Variants in MTF2 observed in about 807,000 individuals in gnomAD.
The protein encoded by MTF2 is metal-response element-binding transcription factor 2.
Under a neutral mutation model 79.5 loss-of-function variants are expected in MTF2, and 11 were observed. The ratio of observed to expected loss-of-function variants is 0.14; its 90% CI spans 0.09 to 0.23. The LOEUF (loss-of-function observed/expected upper bound fraction) is 0.23, where lower values mean the gene tolerates loss of function less well. Among genes scored for constraint, MTF2 ranks in the 10% least tolerant of loss-of-function variants. MTF2 has a pLI of 1.00. For synonymous variants in MTF2, 208 were observed against 232.8 expected (o/e 0.89, Z 0.97); for missense variants, 486 against 711.2 (o/e 0.68, Z 3.60).
chr1:93,079,325 G>A lies in MTF2; in HGVS notation c.-202G>A, dbSNP rs1395047292. ...AATGGCGAGGGGCTGTATTGAAGTG[G>A]GCTGTGTTTGAGGCCGGTGTAAGAA... is the stretch of plus-strand genomic sequence containing the variant. On this transcript the variant is annotated 5_prime_UTR_variant, in exon 1 of 15. Transcript: ENST00000370298. 3.2e-6 allele frequency: 2 copies of A among 627,400 alleles called. No homozygotes were observed. The highest frequency in any genetic ancestry group is 1.8e-5 in the African/African-American group (1 of 54,700). 38.9% of individuals were successfully genotyped at this position (627,400 alleles called of 1,614,324 possible).
chr1:93,084,914 T>G (rs1032956406), intron 1 of MTF2, among the ~76,000 whole-genome samples: 2 of 152,132 alleles, frequency 1.3e-5, no homozygotes, highest in African/African-American at 4.8e-5. Flanking sequence ...TTTGAACATA[T>G]AGAAACAAAG....
In MTF2 at chr1:93,118,261, C is replaced by CTTT. The variant is rs34049352; in HGVS notation, c.633-67_633-65dup. 1.9e-3 allele frequency: 942 copies of CTTT among 505,024 alleles called. 1 individual carries two copies. The highest frequency in any genetic ancestry group is 5.8e-3 in the African/African-American group (260 of 44,450). 31.3% of individuals were successfully genotyped at this position (505,024 alleles called of 1,614,324 possible). On this transcript the variant is annotated intron_variant, in intron 6 of 14. Transcript: ENST00000370298. ...TAGAACAGTATTGTGGATTAGGCCA[C>CTTT]TTTTTTTTTTTTTTTTTTTAAAGAA...
chr1:93,124,310 G>A (rs1348510571), intron 9 of MTF2, among the ~76,000 whole-genome samples: 1 of 151,980 alleles, frequency 6.6e-6, no homozygotes, highest in Non-Finnish European at 1.5e-5. Flanking sequence ...CTTTCTTAAG[G>A]TTTTTATGTA....
intron 9 of MTF2, 87 bp downstream of exon 9, chr1:93,120,759 A>G (rs1340372853): frequency 4.5e-6 from 7 of 1,538,632 alleles, no homozygotes; most frequent in South Asian, 3.8e-5. Context: ...AGACACATGT[A>G]TAAGTCAGAC....
chr1:93,097,749 C>A (rs1283587027), intron 1 of MTF2, among the ~76,000 whole-genome samples: 1 of 152,114 alleles, frequency 6.6e-6, no homozygotes, highest in African/African-American at 2.4e-5. Flanking sequence ...AGGTGCATGC[C>A]ACCATGCTCA....
At chr1:93,086,752 C>G (rs1654854621) in intron 1 of MTF2, among the ~76,000 whole-genome samples, 1 of 151,956 alleles carries the variant, frequency 6.6e-6, no homozygotes, top group Non-Finnish European at 1.5e-5. Flanking sequence ...TTATAAAGTC[C>G]TTTTGTATTT....
In MTF2 at chr1:93,079,344, G is replaced by GT. The variant is rs910878618; in HGVS notation, c.-182dup. ...GAAGTGGGCTGTGTTTGAGGCCGGT[G>GT]TAAGAACGCTCATTCTACCCCCAAC... On this transcript the variant is annotated 5_prime_UTR_variant, in exon 1 of 15. Transcript: ENST00000370298. 29 of 695,960 alleles carry GT rather than the reference G, an allele frequency of 4.2e-5. No homozygotes were observed. Among genetic ancestry groups the GT allele is most frequent in the Non-Finnish European group, 7.3e-5 (29 of 396,920 alleles). The allele number at this position is 695,960 out of a possible 1,614,324, so 43.1% of individuals were successfully genotyped here.
At position 93,133,945 on chromosome 1, in the gene MTF2, A is replaced by G. The variant is rs1374310502; in HGVS notation, c.1284A>G (p.Ser428=). 1.3e-6 allele frequency: 2 copies of G among 1,578,660 alleles called. No homozygotes were observed. Among genetic ancestry groups the G allele is most frequent in the Non-Finnish European group, 1.7e-6 (2 of 1,151,500 alleles). ...TTTTCCAGGATAAGGAATCAATTTC[A>G]GAGAATCCTACTTTGGATTTACCTT... The part of the protein sequence containing the change: ...AEPLLDKESI[S]ENPTLDLPCS... The change falls in exon 13 of 15, where the codon TCA becomes TCG. Residue 428 remains serine, a synonymous_variant. Coordinates refer to ENST00000370298, the MANE Select transcript of MTF2 (RefSeq NM_007358.4).
chr1:93,084,234 T>TA (rs769492949), intron 1 of MTF2, among the ~76,000 whole-genome samples: 13 of 151,946 alleles, frequency 8.6e-5, no homozygotes, highest in African/African-American at 2.2e-4. Context: ...TACCATTTGT[T>TA]AAAAAAAACT....
At chr1:93,102,307 A>AT (rs1655577309) in intron 1 of MTF2, among the ~76,000 whole-genome samples, 1 of 152,350 alleles carries the variant, frequency 6.6e-6, no homozygotes, top group South Asian at 2.1e-4. Flanking sequence ...AGACTTAGAA[A>AT]TTGTTAATAG....
chr1:93,089,326 G>A (rs1029229725), intron 1 of MTF2, among the ~76,000 whole-genome samples: 4 of 152,176 alleles, frequency 2.6e-5, no homozygotes, highest in African/African-American at 9.7e-5. Context: ...ATATTTGCTT[G>A]ATAAATGGAG....
At chr1:93,117,902 G>C (rs1354555437) in intron 6 of MTF2, among the ~76,000 whole-genome samples, 3 of 152,154 alleles carry the variant, frequency 2.0e-5, no homozygotes, top group African/African-American at 7.2e-5. Flanking sequence ...GTGCATGCCT[G>C]TGGTCCTAGC....
intron 1 of MTF2, among the ~76,000 whole-genome samples, chr1:93,100,738 G>A (rs1404145069): frequency 1.3e-5 from 2 of 152,144 alleles, no homozygotes; most frequent in Non-Finnish European, 2.9e-5. Context: ...CAGAAAGAAG[G>A]CAACGAGTCT....
intron 14 of MTF2, among the ~76,000 whole-genome samples, chr1:93,134,757 C>T (rs1225089842): frequency 1.3e-5 from 2 of 151,086 alleles, no homozygotes; most frequent in Non-Finnish European, 1.5e-5. Context: ...CTCCCGATCT[C>T]AAGTGATCCT....
chr1:93,130,531 C>T (rs1182506866), intron 11 of MTF2, among the ~76,000 whole-genome samples: 3 of 151,808 alleles, frequency 2.0e-5, no homozygotes, highest in Non-Finnish European at 4.4e-5. Flanking sequence ...GAGCCGAGAT[C>T]GTGCCACTGC....
rs778604065 is a variant in MTF2 at position 93,136,944 on chromosome 1, A to C, written c.1699A>C (p.Lys567Gln). The change falls in exon 15 of 15, where the codon AAA becomes CAA. Residue 567 changes from lysine (K) to glutamine (Q), a missense_variant. By Grantham distance (53) the Lys-to-Gln change is moderately conservative (BLOSUM62 1). This residue lies in a region of MTF2 where 25 missense variants were observed against 56.8 expected (regional missense o/e 0.44). Transcript: ENST00000370298. ...GAAGRIACGE[K>Q]YRVLARRVTL... is the part of the protein sequence containing the mutation. ...TGCAGGTAGAATAGCATGTGGCGAA[A>C]AATACCGAGTTTTGGCACGTCGGGT... 1 of 1,614,178 alleles carries C rather than the reference A, an allele frequency of 6.2e-7. No homozygotes were observed. The highest frequency in any genetic ancestry group is 8.5e-7 in the Non-Finnish European group (1 of 1,180,022).
chr1:93,086,039 A>G (rs534580110), intron 1 of MTF2, among the ~76,000 whole-genome samples: 1 of 152,338 alleles, frequency 6.6e-6, no homozygotes, highest in East Asian at 1.9e-4. Context: ...ATCACTGCAA[A>G]CACATTGTAA....
intron 1 of MTF2, among the ~76,000 whole-genome samples, chr1:93,095,723 T>C (rs1655261958): frequency 6.7e-6 from 1 of 149,712 alleles, no homozygotes; most frequent in African/African-American, 2.5e-5. Flanking sequence ...TGGTGTGATC[T>C]CAGCTCAGTG....
At chr1:93,111,820 T>G (rs1181009455) in intron 3 of MTF2, among the ~76,000 whole-genome samples, 1 of 152,166 alleles carries the variant, frequency 6.6e-6, no homozygotes, top group Admixed American at 6.5e-5. Context: ...AAAATTATTC[T>G]TTTTTCCTTA....
Sources: gnomAD v4.1 joint callset for allele counts (sites outside exome capture counted in the v4.1 genomes callset) on GRCh38, gnomAD v4.1.1 for gene constraint, gnomAD v4.1.1 regional missense constraint, MANE v1.5 for transcripts, NCBI Gene and HGNC (gene_info 2026-07-23, HGNC 2026-07-21) for gene names.